The following SIGLEC5 variants were observed in gnomAD, a reference collection of about 807,000 sequenced individuals.
SIGLEC5 encodes the protein sialic acid binding Ig like lectin 5.
Under a neutral mutation model 45.9 loss-of-function variants are expected in SIGLEC5, and 34 were observed. The observed-to-expected ratio is 0.74, with a 90% CI of 0.56 to 0.99. The LOEUF (loss-of-function observed/expected upper bound fraction) is 0.99, where lower values mean the gene tolerates loss of function less well. Ranked by LOEUF, SIGLEC5 falls within the 50% of genes least tolerant of loss-of-function variation. SIGLEC5 has a pLI of 0.00. For synonymous variants in SIGLEC5, 203 were observed against 258.6 expected, an observed-to-expected ratio of 0.79 and a Z score of 2.06; for missense variants, 508 against 629.6, an observed-to-expected ratio of 0.81 and a Z score of 2.07.
At chr19:51,615,171 G>C (rs530442171) in intron 8 of SIGLEC5, among the ~76,000 whole-genome samples, 1 of 152,196 alleles carries the variant, frequency 6.6e-6, no homozygotes, top group African/African-American at 2.4e-5. Flanking sequence ...CTTGTCAAAA[G>C]AGTGAATTCA....
At position 51,626,036 on chromosome 19, in the gene SIGLEC5, G is replaced by A. The variant is rs768255375; in HGVS notation, c.1460C>T (p.Thr487Ile). 9.3e-6 allele frequency: 15 copies of A among 1,612,928 alleles called. No homozygotes were observed. Among genetic ancestry groups the A allele is most frequent in the Admixed American group, 5.0e-5 (3 of 60,006 alleles). ...DDEDPIMGTITSGSRKKPWPD... is the reference protein window; with the variant it reads ...DDEDPIMGTIISGSRKKPWPD... ...GAAGATCCCCAAACCACTCACCGAG[G>A]TGATGGTACCCATAATGGGGTCTTC... Residue 487 changes from threonine (T) to isoleucine (I), a missense_variant, in exon 8 of 9, where the codon ACC becomes ATC. Coordinates refer to ENST00000683636, the MANE Select transcript of SIGLEC5 (RefSeq NM_003830.4).
rs568859758 is a variant in SIGLEC5 at position 51,621,595 on chromosome 19, G to C, written c.1464+4437C>G. 4.6e-5 allele frequency: 7 copies of C among 152,320 alleles called. No individual in the cohort carries two copies. The South Asian group carries it at 6.2e-4, about 14-fold the overall frequency. 9.4% of individuals were successfully genotyped at this position (152,320 alleles called of 1,614,324 possible). A position where few individuals can be genotyped will look rare whatever the true frequency, so the allele number is the denominator to read the frequency against. On this transcript the variant is annotated intron_variant, in intron 8 of 8. Coordinates refer to ENST00000683636, the MANE Select transcript of SIGLEC5 (RefSeq NM_003830.4). ...TAGCATTACACTTGCATCAAACCCA[G>C]CTGCTTTGATTCAGCAAGCCATGAC... is the stretch of plus-strand genomic sequence containing the variant.
intron 4 of SIGLEC5, among the ~76,000 whole-genome samples, chr19:51,628,594 C>T (rs189440783): frequency 6.6e-5 from 10 of 150,472 alleles, no homozygotes; most frequent in Admixed American, 1.3e-4. Context: ...TGTGTGTGTG[C>T]GTGTGCGGGT....
chr19:51,626,142 T>C (rs1983471708), intron 7 of SIGLEC5, 29 bp from the exon 8 acceptor site: 1 of 1,593,684 alleles, frequency 6.3e-7, no homozygotes, highest in African/African-American at 1.3e-5. Flanking sequence ...ACAGTGCAGC[T>C]GGGACCACCC....
chr19:51,614,083 A>G (rs894940067), intron 8 of SIGLEC5, among the ~76,000 whole-genome samples: 15 of 152,146 alleles, frequency 9.9e-5, no homozygotes, highest in Admixed American at 3.3e-4. Flanking sequence ...ACCTTCACCC[A>G]TATCCCTACC....
In SIGLEC5 at chr19:51,617,269, A is replaced by AG. The variant is rs113917424; in HGVS notation, c.1465-4848dup. Among the ~76,000 whole-genome samples the AG allele has an allele frequency of 9.5e-3, 1,425 of 150,002 alleles. 7 individuals are homozygous for AG. The highest frequency in any genetic ancestry group is 0.015 in the Non-Finnish European group (983 of 67,580). ...GACTCCACCTTAAAAAAAAAAAAAA[A>AG]GTAGAAAAGGAAAAATATTTGAAAA... is the stretch of plus-strand genomic sequence containing the variant. On this transcript the variant is annotated intron_variant, in intron 8 of 8. Coordinates refer to ENST00000683636, the MANE Select transcript of SIGLEC5 (RefSeq NM_003830.4).
chr19:51,614,556 A>G (rs967640759), intron 8 of SIGLEC5, among the ~76,000 whole-genome samples: 32 of 152,232 alleles, frequency 2.1e-4, no homozygotes, highest in African/African-American at 7.7e-4. Flanking sequence ...AAAATGAAAA[A>G]GTGGCTATGC....
rs1232304829 is a variant in SIGLEC5, at chr19:51,626,129, A to G, written c.1383-16T>C. 12 of 1,609,756 alleles carry G rather than the reference A, an allele frequency of 7.5e-6. No homozygotes were observed. Among genetic ancestry groups the G allele is most frequent in the African/African-American group, 2.7e-5 (2 of 74,824 alleles). On this transcript the variant is annotated splice_polypyrimidine_tract_variant and intron_variant, in intron 7 of 8. Transcript: ENST00000683636. ...GGCTTTCACTCTAAGGAAAGAAACC[A>G]GCACAGTGCAGCTGGGACCACCCAG...
intron 8 of SIGLEC5, among the ~76,000 whole-genome samples, chr19:51,624,027 T>C (rs1983387679): frequency 6.6e-6 from 1 of 151,998 alleles, no homozygotes; most frequent in Non-Finnish European, 1.5e-5. Context: ...TGCGTGGTGG[T>C]ACATGCCTGT....
In SIGLEC5 at chr19:51,627,543, C is replaced by T. The variant is rs139097319; in HGVS notation, c.1201G>A (p.Gly401Arg). ...CTGACTTTGAGGTCGGAGCTGAGCC[C>T]CCCGTGGAGGATCAGGGAGCTGTTG... The part of the protein sequence containing the change: ...WANSSLILHG[G>R]LSSDLKVSCK... Residue 401 changes from glycine to arginine, a missense_variant, in exon 6 of 9, where the codon GGG (glycine) becomes AGG (arginine). By Grantham distance (125) the Gly-to-Arg change is moderately radical. Around this residue, in one of 2 missense-constraint regions of SIGLEC5, gnomAD observed 431 missense variants for 428.8 expected, o/e 1.01. Coordinates refer to ENST00000683636, the MANE Select transcript of SIGLEC5 (RefSeq NM_003830.4). The T allele has an allele frequency of 2.2e-5, 35 of 1,614,112 alleles. No homozygotes were observed. In the African/African-American group the frequency reaches 3.3e-4, roughly 15 times the overall value.
rs1983570751 is a variant in SIGLEC5, at chr19:51,628,052, A to G, written c.779T>C (p.Leu260Pro). 1 of 1,579,110 alleles carries G rather than the reference A, an allele frequency of 6.3e-7. No individual in the cohort carries two copies. The highest frequency in any genetic ancestry group is 8.6e-7 in the Non-Finnish European group (1 of 1,163,256). Residue 260 changes from leucine to proline, a missense_variant, in exon 5 of 9, where the codon CTG becomes CCG. This residue lies in a region of SIGLEC5 where 431 missense variants were observed against 428.8 expected (regional missense o/e 1.01). Transcript: ENST00000683636. ...GAGCAGCCGCAGAGCCTGGCCCTCCAGGACCGGAAGGTATGAGGTGTTTTG... is the reference window on the plus strand; with the variant it reads ...GAGCAGCCGCAGAGCCTGGCCCTCCGGGACCGGAAGGTATGAGGTGTTTTG... ...ILQNTSYLPV[L>P]EGQALRLLCD...
At chr19:51,624,972 T>C (rs200453897) in intron 8 of SIGLEC5, among the ~76,000 whole-genome samples, 1 of 145,074 alleles carries the variant, frequency 6.9e-6, no homozygotes, top group Admixed American at 6.9e-5. Context: ...TCCAAAAAAA[T>C]AAAAATAAAA....
chr19:51,617,629 A>C (rs1178982860), intron 8 of SIGLEC5, among the ~76,000 whole-genome samples: 1 of 152,164 alleles, frequency 6.6e-6, no homozygotes, highest in Non-Finnish European at 1.5e-5. Flanking sequence ...AGGGGATAAA[A>C]TATATTTCCA....
At chr19:51,620,960 C>T (rs1433851517) in intron 8 of SIGLEC5, among the ~76,000 whole-genome samples, 1 of 152,114 alleles carries the variant, frequency 6.6e-6, no homozygotes, top group Non-Finnish European at 1.5e-5. Flanking sequence ...TCTGGGATTA[C>T]AGGCATGAGC....
At chr19:51,614,347 T>C (rs576034127) in intron 8 of SIGLEC5, among the ~76,000 whole-genome samples, 16 of 152,160 alleles carry the variant, frequency 1.1e-4, no homozygotes, top group African/African-American at 3.6e-4. Flanking sequence ...GTTACCCAGG[T>C]TGGTCTCAAA....
chr19:51,613,645 C>T (rs74460358), intron 8 of SIGLEC5, among the ~76,000 whole-genome samples: 5,421 of 152,124 alleles, frequency 0.036, 285 homozygotes, highest in African/African-American at 0.12. Flanking sequence ...ATATTGAGGA[C>T]TTACTAATCA....
Position 51,612,308 on chromosome 19 carries a change from C to G in SIGLEC5, c.1579G>C (p.Glu527Gln), listed in dbSNP as rs1231801287. The change falls in exon 9 of 9, where the codon GAG (glutamate) becomes CAG (glutamine). Residue 527 changes from glutamate (E) to glutamine (Q), a missense_variant. Transcript: ENST00000683636. ...TCCTTAGGCTCCCTCGACTTCATCTCAGAAAAACTAAGGGAGGCATAATGG... is the reference window on the plus strand; with the variant it reads ...TCCTTAGGCTCCCTCGACTTCATCTGAGAAAAACTAAGGGAGGCATAATGG... ...ELHYASLSFS[E>Q]MKSREPKDQE... is the part of the protein sequence containing the mutation. 1 of 1,613,220 alleles carries G rather than the reference C, an allele frequency of 6.2e-7. No homozygotes were observed. Among genetic ancestry groups the G allele is most frequent in the South Asian group, 1.1e-5 (1 of 90,992 alleles).
chr19:51,617,819 A>T (rs1332566915), intron 8 of SIGLEC5, among the ~76,000 whole-genome samples: 1 of 152,100 alleles, frequency 6.6e-6, no homozygotes, highest in Non-Finnish European at 1.5e-5. Flanking sequence ...AAATCAAATA[A>T]TAGAAAAATG....
At chr19:51,617,940 T>G (rs1983127128) in intron 8 of SIGLEC5, among the ~76,000 whole-genome samples, 3 of 151,566 alleles carry the variant, frequency 2.0e-5, no homozygotes, top group Admixed American at 2.0e-4. Flanking sequence ...GCACCAAAAT[T>G]CTTTTTGTTA....
Sources: allele counts gnomAD v4.1 joint callset (sites outside exome capture counted in the v4.1 genomes callset), GRCh38; gene constraint gnomAD v4.1.1; regional missense constraint gnomAD v4.1.1; transcripts MANE v1.5; gene names NCBI Gene and HGNC (gene_info 2026-07-23, HGNC 2026-07-21).